TRIP4: variants seen among roughly 807,000 people sequenced by gnomAD.
TRIP4 encodes the protein thyroid hormone receptor interactor 4.
A neutral mutation model predicts 81.8 loss-of-function variants in TRIP4; 54 were observed. That is an observed-to-expected ratio of 0.66 (90% CI 0.53 to 0.83). The LOEUF is 0.83. Among genes scored for constraint, TRIP4 ranks in the 40% least tolerant of loss-of-function variants. The pLI, the probability that TRIP4 is intolerant of heterozygous loss-of-function variation, is 0.00. For missense variants in TRIP4, 662 were observed against 683.6 expected (o/e 0.97, Z 0.35); for synonymous variants, 270 against 242.8 (o/e 1.11, Z -1.04).
At chr15:64,419,815 TTCTA>T (rs1355018799) in intron 9 of TRIP4, among the ~76,000 whole-genome samples, 4 of 151,880 alleles carry the variant, frequency 2.6e-5, no homozygotes, top group Non-Finnish European at 4.4e-5. Flanking sequence ...TTTGGAGTGT[TTCTA>T]TCTTTCTTTT....
chr15:64,423,578 AGTT>A (rs1164950580), intron 9 of TRIP4, among the ~76,000 whole-genome samples: 2 of 150,888 alleles, frequency 1.3e-5, no homozygotes, highest in East Asian at 3.9e-4. Context: ...CATTCTTGGG[AGTT>A]GTGTGTAGAT....
intron 3 of TRIP4, 128 bp downstream of exon 3, chr15:64,395,659 T>A: frequency 9.3e-7 from 1 of 1,077,408 alleles, no homozygotes; most frequent in South Asian, 1.9e-5. Flanking sequence ...GAATTTTAGG[T>A]AGAAAAAGTT....
chr15:64,453,075 A>G (rs1892807336), intron 12 of TRIP4, among the ~76,000 whole-genome samples: 1 of 152,176 alleles, frequency 6.6e-6, no homozygotes. Context: ...AGTCCCAGCT[A>G]CAGGGGAGGC....
rs994166425 is a variant in TRIP4 at position 64,442,386 on chromosome 15, T to G, written c.1576-2620T>G. Among the ~76,000 whole-genome samples the G allele has an allele frequency of 2.6e-5, 4 of 152,256 alleles. No individual in the cohort carries two copies. In the East Asian group the frequency reaches 5.8e-4, roughly 22 times the overall value. On this transcript the variant is annotated intron_variant, in intron 11 of 12. Coordinates refer to ENST00000261884, the MANE Select transcript of TRIP4 (RefSeq NM_016213.5). ...TATTGGATATACTTTGGCTTTTCTT[T>G]GAGACAGGGTCTCACTCTGTTGCCC...
At position 64,418,627 on chromosome 15, in the gene TRIP4, G is replaced by A. The variant is rs781461103; in HGVS notation, c.1257G>A (p.Gln419=). The change falls in exon 9 of 13, where the codon CAG becomes CAA. Residue 419 remains glutamine (Q), a synonymous_variant. Transcript: ENST00000261884. ...FGLEFNSFQH[Q]LRIQDQEFQE... is the part of the protein sequence containing the mutation. ...TAGAGTTCAACTCATTTCAGCACCA[G>A]TTGCGAATCCAGGATCAAGAATTTC... 1 of 1,613,954 alleles carries A rather than the reference G, an allele frequency of 6.2e-7. No individual in the cohort carries two copies. The highest frequency in any genetic ancestry group is 2.2e-5 in the East Asian group (1 of 44,888).
At chr15:64,445,147 C>A in intron 12 of TRIP4, 39 bp downstream of exon 12, 6 of 1,137,448 alleles carry the variant, frequency 5.3e-6, no homozygotes, top group Non-Finnish European at 7.9e-6. Flanking sequence ...TAGTCAAGTG[C>A]AGTAGTAAGG....
At chr15:64,414,998 G>A (rs1037751124) in intron 8 of TRIP4, among the ~76,000 whole-genome samples, 1 of 151,882 alleles carries the variant, frequency 6.6e-6, no homozygotes, top group African/African-American at 2.4e-5. Context: ...AGGAGGCTGA[G>A]TCGGGAGAAT....
At chr15:64,419,647 C>A (rs553347421) in intron 9 of TRIP4, among the ~76,000 whole-genome samples, 2 of 151,650 alleles carry the variant, frequency 1.3e-5, no homozygotes, top group African/African-American at 4.8e-5. Flanking sequence ...CGTGAACCAC[C>A]GCGCCTGGTG....
intron 12 of TRIP4, among the ~76,000 whole-genome samples, chr15:64,447,661 C>A (rs75034258): frequency 6.6e-6 from 1 of 152,194 alleles, no homozygotes; most frequent in African/African-American, 2.4e-5. Flanking sequence ...TCAGACGGTA[C>A]TCCAGTTGGT....
chr15:64,423,819 A>G (rs930586142), intron 9 of TRIP4, among the ~76,000 whole-genome samples: 4 of 152,198 alleles, frequency 2.6e-5, no homozygotes, highest in African/African-American at 9.7e-5. Flanking sequence ...CGCTATTCTG[A>G]TGGAGGAGAA....
intron 1 of TRIP4, among the ~76,000 whole-genome samples, chr15:64,392,657 C>G (rs1195690881): frequency 6.6e-6 from 1 of 152,026 alleles, no homozygotes; most frequent in Non-Finnish European, 1.5e-5. Context: ...CATTCTGTTG[C>G]TCAGGCTGGA....
At chr15:64,446,136 T>C (rs550164576) in intron 12 of TRIP4, among the ~76,000 whole-genome samples, 1 of 151,866 alleles carries the variant, frequency 6.6e-6, no homozygotes, top group South Asian at 2.1e-4. Context: ...TAGCAGGGCA[T>C]GGTGGTGGGC....
At chr15:64,423,649 C>T (rs1178237892) in intron 9 of TRIP4, among the ~76,000 whole-genome samples, 1 of 151,886 alleles carries the variant, frequency 6.6e-6, no homozygotes, top group Admixed American at 6.6e-5. Context: ...GAAAGGTTAG[C>T]CTTTGACTCA....
At chr15:64,451,677 G>C (rs1289696718) in intron 12 of TRIP4, among the ~76,000 whole-genome samples, 1 of 139,362 alleles carries the variant, frequency 7.2e-6, no homozygotes, top group African/African-American at 2.7e-5. Context: ...TTTTTTTTTT[G>C]AGTTTTACTC....
At chr15:64,427,103 T>G (rs1892168162) in intron 11 of TRIP4, among the ~76,000 whole-genome samples, 1 of 152,152 alleles carries the variant, frequency 6.6e-6, no homozygotes, top group Non-Finnish European at 1.5e-5. Flanking sequence ...TCCTGAAATG[T>G]AAGACCTTTA....
At chr15:64,404,863 G>T (rs1891588458) in intron 5 of TRIP4, among the ~76,000 whole-genome samples, 1 of 151,320 alleles carries the variant, frequency 6.6e-6, no homozygotes, top group East Asian at 2.0e-4. Context: ...TTTTTAAATT[G>T]TTTGTACAGA....
intron 4 of TRIP4, among the ~76,000 whole-genome samples, chr15:64,398,057 C>T (rs973569156): frequency 2.0e-5 from 3 of 152,024 alleles, no homozygotes; most frequent in Non-Finnish European, 4.4e-5. Flanking sequence ...CCTGCCACCA[C>T]GCCCAGCTAA....
intron 12 of TRIP4, among the ~76,000 whole-genome samples, chr15:64,445,644 G>A (rs1367172968): frequency 7.4e-6 from 1 of 134,654 alleles, no homozygotes; most frequent in African/African-American, 2.9e-5. Flanking sequence ...ACTCCAGCCT[G>A]GTAACAGAGC....
At chr15:64,426,568 C>T (rs771083540) in intron 11 of TRIP4, among the ~76,000 whole-genome samples, 7 of 151,818 alleles carry the variant, frequency 4.6e-5, no homozygotes, top group East Asian at 1.9e-4. Context: ...GGTATGGTGG[C>T]GCATGCCTGT....
Sources: gnomAD v4.1 joint callset for allele counts (sites outside exome capture counted in the v4.1 genomes callset) on GRCh38, gnomAD v4.1.1 for gene constraint, MANE v1.5 for transcripts, NCBI Gene and HGNC (gene_info 2026-07-23, HGNC 2026-07-21) for gene names.